Variants in LRRC37A observed in about 807,000 individuals in gnomAD.
LRRC37A encodes the protein leucine rich repeat containing 37A.
LRRC37A carries 3 observed loss-of-function variants against 35.4 expected under a neutral mutation model. The observed-to-expected ratio is 0.08, with a 90% confidence interval of 0.04 to 0.22. The LOEUF (loss-of-function observed/expected upper bound fraction) is 0.22. Among genes scored for constraint, LRRC37A ranks in the 10% least tolerant of loss-of-function variants. The probability of loss-of-function intolerance (pLI) is 1.00; values close to 1 mark genes in which losing one functional copy is unlikely to be tolerated. For missense variants in LRRC37A, 67 were observed against 565.3 expected, an observed-to-expected ratio of 0.12 and a Z score of 8.94; for synonymous variants, 23 against 215.0, an observed-to-expected ratio of 0.11 and a Z score of 7.81.
At chr17:46,253,350 G>A in the LRRC37A span, among the ~76,000 whole-genome samples, 6 of 152,014 alleles carry the variant, frequency 3.9e-5, no homozygotes, top group African/African-American at 9.7e-5. Flanking sequence ...ACGGGGTGGC[G>A]GCCGGGCAGA....
the LRRC37A span, among the ~76,000 whole-genome samples, chr17:46,257,193 T>C: frequency 6.6e-6 from 1 of 151,822 alleles, no homozygotes; most frequent in Non-Finnish European, 1.5e-5. Context: ...ACACCTGTAA[T>C]CCCAGCACTT....
chr17:46,286,236 C>T, the LRRC37A span, among the ~76,000 whole-genome samples: 3,226 of 152,224 alleles, frequency 0.021, 111 homozygotes, highest in African/African-American at 0.071. Context: ...ATCGACATTC[C>T]AGTACATTAA....
At chr17:46,268,728 A>G in the LRRC37A span, 6 of 1,372,328 alleles carry the variant, frequency 4.4e-6, no homozygotes, top group Non-Finnish European at 5.8e-6. Context: ...ATCACAAGAG[A>G]CATCGGCAAC....
chr17:46,250,559 C>T, the LRRC37A span, among the ~76,000 whole-genome samples: 1 of 152,238 alleles, frequency 6.6e-6, no homozygotes, highest in Non-Finnish European at 1.5e-5. Flanking sequence ...CAACATCTTC[C>T]TCCCGTGCTG....
the LRRC37A span, among the ~76,000 whole-genome samples, chr17:46,282,417 GTTTT>G: frequency 2.8e-5 from 4 of 144,410 alleles, no homozygotes; most frequent in African/African-American, 1.0e-4. Context: ...TTTTTTGTTT[GTTTT>G]TTTTTTTTAA....
intron 7 of LRRC37A, among the ~76,000 whole-genome samples, chr17:46,324,056 C>G (rs1313822582): frequency 8.6e-6 from 1 of 116,910 alleles, no homozygotes; most frequent in Non-Finnish European, 1.9e-5. Flanking sequence ...CAACTGTTCA[C>G]TCCTTTTTAT....
At chr17:46,270,888 A>G in the LRRC37A span, among the ~76,000 whole-genome samples, 1 of 152,260 alleles carries the variant, frequency 6.6e-6, no homozygotes, top group Non-Finnish European at 1.5e-5. Context: ...CAACAGAGCG[A>G]GACTCTGTCT....
the LRRC37A span, among the ~76,000 whole-genome samples, chr17:46,287,176 T>G: frequency 6.6e-6 from 1 of 152,224 alleles, no homozygotes; most frequent in East Asian, 1.9e-4. Flanking sequence ...TCACATGGGT[T>G]TCAACAAGTA....
chr17:46,268,612 G>A, the LRRC37A span: 17 of 1,552,552 alleles, frequency 1.1e-5, no homozygotes, highest in Non-Finnish European at 1.5e-5. Context: ...GGACTGCTGA[G>A]GAGCAGCAGC....
At chr17:46,265,117 T>A in the LRRC37A span, among the ~76,000 whole-genome samples, 1 of 112,892 alleles carries the variant, frequency 8.9e-6, no homozygotes, top group Non-Finnish European at 2.4e-5. Context: ...GCTGTAGAGG[T>A]TTGCTCTTTT....
the LRRC37A span, among the ~76,000 whole-genome samples, chr17:46,253,848 T>C: frequency 0.13 from 20,068 of 150,638 alleles, 1,109 homozygotes; most frequent in Middle Eastern, 0.21. Context: ...AACTCTACCA[T>C]TTGAAAGGAA....
chr17:46,265,507 G>A, the LRRC37A span, among the ~76,000 whole-genome samples: 1 of 117,178 alleles, frequency 8.5e-6, no homozygotes, highest in African/African-American at 2.7e-5. Context: ...TTTTGAGACA[G>A]GGTCTCCGTC....
the LRRC37A span, among the ~76,000 whole-genome samples, chr17:46,251,310 G>A: frequency 6.6e-6 from 1 of 151,422 alleles, no homozygotes; most frequent in South Asian, 2.1e-4. Flanking sequence ...CCAGGCTGGA[G>A]TGAAATGGCA....
the LRRC37A span, among the ~76,000 whole-genome samples, chr17:46,261,074 G>T: frequency 6.6e-6 from 1 of 152,164 alleles, no homozygotes; most frequent in East Asian, 1.9e-4. Flanking sequence ...GGATGGGAAG[G>T]GGGTGAGGGA....
chr17:46,287,128 A>G, the LRRC37A span, among the ~76,000 whole-genome samples: 1 of 152,258 alleles, frequency 6.6e-6, no homozygotes, highest in South Asian at 2.1e-4. Flanking sequence ...GGCAAACTCC[A>G]GTATCTGATG....
the LRRC37A span, among the ~76,000 whole-genome samples, chr17:46,286,942 C>G: frequency 6.6e-6 from 1 of 152,220 alleles, no homozygotes; most frequent in Non-Finnish European, 1.5e-5. Context: ...GCAGTTAGTA[C>G]AAAGATCACA....
the LRRC37A span, among the ~76,000 whole-genome samples, chr17:46,250,508 AGCAG>A: frequency 6.6e-6 from 1 of 152,228 alleles, no homozygotes; most frequent in Non-Finnish European, 1.5e-5. Context: ...CTAGAATATA[AGCAG>A]GCAGAAAAAT....
At chr17:46,270,187 T>C in the LRRC37A span, among the ~76,000 whole-genome samples, 2 of 152,196 alleles carry the variant, frequency 1.3e-5, no homozygotes, top group African/African-American at 4.8e-5. Context: ...GGCCTCACGG[T>C]GATGCACTCA....
chr17:46,282,978 G>C, the LRRC37A span, among the ~76,000 whole-genome samples: 2 of 151,956 alleles, frequency 1.3e-5, no homozygotes, highest in African/African-American at 2.4e-5. Flanking sequence ...AATTAGTCGG[G>C]TGTGATGGCA....
Sources: allele counts gnomAD v4.1 joint callset (sites outside exome capture counted in the v4.1 genomes callset), GRCh38; gene constraint gnomAD v4.1.1; transcripts MANE v1.5; gene names NCBI Gene and HGNC (gene_info 2026-07-23, HGNC 2026-07-21).